TXNRD3: variants seen among roughly 807,000 people sequenced by gnomAD.
TXNRD3 encodes thioredoxin reductase 3.
Under a neutral mutation model 78.2 loss-of-function variants are expected in TXNRD3, and 68 were observed. The observed-to-expected ratio is 0.87, with a 90% CI of 0.72 to 1.06. The LOEUF (loss-of-function observed/expected upper bound fraction) is 1.06. Among genes scored for constraint, TXNRD3 ranks in the 50% least tolerant of loss-of-function variants. The pLI is 0.00. For missense variants in TXNRD3, 751 were observed against 809.5 expected (o/e 0.93, Z 0.88); for synonymous variants, 296 against 300.1 (o/e 0.99, Z 0.14).
intron 5 of TXNRD3, among the ~76,000 whole-genome samples, chr3:126,642,948 A>G (rs1264470540): frequency 6.6e-6 from 1 of 152,224 alleles, no homozygotes; most frequent in Non-Finnish European, 1.5e-5. Context: ...AAATTATCAC[A>G]AAGGTGTAAG....
In TXNRD3 at chr3:126,607,704, G is replaced by A. The variant is rs1452251226; in HGVS notation, c.*201C>T. 14 of 369,302 alleles carry A rather than the reference G, an allele frequency of 3.8e-5. No homozygotes were observed. The highest frequency in any genetic ancestry group is 6.7e-5 in the Non-Finnish European group (14 of 208,932). The allele number at this position is 369,302 out of a possible 1,614,324, so 22.9% of individuals were successfully genotyped here. ...CAAGGAAGCAGTCCCACTGCTTCTC[G>A]CTGTCAGCAAGACCACAAGGCAGAT... On this transcript the variant is annotated 3_prime_UTR_variant, in exon 16 of 16. Coordinates refer to ENST00000524230, the MANE Select transcript of TXNRD3 (RefSeq NM_052883.3).
In TXNRD3 at chr3:126,607,319, CAGT is replaced by C. The variant is rs1284342329; in HGVS notation, c.*583_*585del. ...GGTGAAGCATGAGTCAGCGTTTTGA[CAGT>C]AGGTTAAATGTGCCTCAAAAAAGAA... On this transcript the variant is annotated 3_prime_UTR_variant, in exon 16 of 16. Coordinates refer to ENST00000524230, the MANE Select transcript of TXNRD3 (RefSeq NM_052883.3). 2 of 152,312 alleles carry C rather than the reference CAGT, an allele frequency of 1.3e-5. No individual in the cohort carries two copies. Among genetic ancestry groups the C allele is most frequent in the African/African-American group, 2.4e-5 (1 of 41,410 alleles). The allele number at this position is 152,312 out of a possible 1,614,324, so 9.4% of individuals were successfully genotyped here.
chr3:126,621,951 C>A, intron 11 of TXNRD3, 53 bp from the exon 12 acceptor site: 1 of 1,375,258 alleles, frequency 7.3e-7, no homozygotes, highest in Non-Finnish European at 9.4e-7. Context: ...CTCTACACTG[C>A]TGGCTGACTA....
chr3:126,636,332 T>C (rs1938862367), intron 6 of TXNRD3, among the ~76,000 whole-genome samples: 1 of 152,232 alleles, frequency 6.6e-6, no homozygotes. Context: ...TTTTCCAATC[T>C]ATGTACTTTT....
At chr3:126,646,048 C>T in intron 3 of TXNRD3, 63 bp downstream of exon 3, 3 of 1,305,158 alleles carry the variant, frequency 2.3e-6, no homozygotes, top group Non-Finnish European at 3.0e-6. Context: ...ATTTTCTCCT[C>T]TTTTAAATAC....
intron 11 of TXNRD3, among the ~76,000 whole-genome samples, chr3:126,622,106 CA>C (rs1361850777): frequency 6.6e-6 from 1 of 152,174 alleles, no homozygotes; most frequent in Non-Finnish European, 1.5e-5. Flanking sequence ...AAACCACAGG[CA>C]TTTCCTGGAT....
At chr3:126,654,420 C>T (rs376459070) in intron 1 of TXNRD3, among the ~76,000 whole-genome samples, 5 of 152,290 alleles carry the variant, frequency 3.3e-5, no homozygotes, top group African/African-American at 7.2e-5. Flanking sequence ...TAGTCCGCCC[C>T]GAAAAGTTAA....
intron 8 of TXNRD3, 128 bp from the exon 9 acceptor site, chr3:126,631,065 T>C (rs1559775497): frequency 1.0e-5 from 10 of 960,670 alleles, no homozygotes; most frequent in Non-Finnish European, 1.0e-5. Flanking sequence ...CAACAGCCTT[T>C]TGAAATTTGT....
intron 1 of TXNRD3, among the ~76,000 whole-genome samples, chr3:126,652,297 A>T (rs1240292644): frequency 2.6e-5 from 4 of 152,142 alleles, no homozygotes; most frequent in Non-Finnish European, 5.9e-5. Context: ...TATCATGAGG[A>T]CAGTACCAAT....
Position 126,621,831 on chromosome 3 carries a change from TATCA to T in TXNRD3, c.1431_1434del (p.Asp478PhefsTer19). 6.5e-7 allele frequency: 1 copy of T among 1,535,808 alleles called. No individual in the cohort carries two copies. The highest frequency in any genetic ancestry group is 8.7e-7 in the Non-Finnish European group (1 of 1,146,798). ...GTGAGCTCTGGCTTATCCTCCAAAA[TATCA>T]CCAACAGCATAGACATATGGCACAT... is the stretch of plus-strand genomic sequence containing the variant. On this transcript the variant is annotated frameshift_variant, in exon 12 of 16. Transcript: ENST00000524230. LOFTEE classifies it high-confidence loss of function.
intron 1 of TXNRD3, among the ~76,000 whole-genome samples, chr3:126,648,642 T>C (rs2107629193): frequency 6.6e-6 from 1 of 152,258 alleles, no homozygotes; most frequent in South Asian, 2.1e-4. Context: ...GGCTGTCCAC[T>C]AACAAAAGAA....
chr3:126,638,179 G>A (rs1210558209), intron 6 of TXNRD3, among the ~76,000 whole-genome samples: 1 of 151,824 alleles, frequency 6.6e-6, no homozygotes, highest in Non-Finnish European at 1.5e-5. Flanking sequence ...TCCTGACCTC[G>A]TGATCCGCCC....
rs1262417539 is a variant in TXNRD3 at position 126,607,946 on chromosome 3, A to C, written c.1891T>G (p.Ser631Ala). The C allele has an allele frequency of 6.6e-7, 1 of 1,507,136 alleles. No homozygotes were observed. The highest frequency in any genetic ancestry group is 2.0e-5 in the Admixed American group (1 of 50,622). The allele number at this position is 1,507,136 out of a possible 1,614,324, so 93.4% of individuals were successfully genotyped here. Residue 631 changes from serine (S) to alanine (A), a missense_variant, in exon 16 of 16, where the codon TCG becomes GCG. By Grantham distance (99) the Ser-to-Ala change is moderately conservative. Coordinates refer to ENST00000524230, the MANE Select transcript of TXNRD3 (RefSeq NM_052883.3). ...TTCTGAGTGATGTCTAGTCCTGACG[A>C]CTTTGTGATTTCCAAAGTCGTGAAC... is the stretch of plus-strand genomic sequence containing the variant.
chr3:126,646,228 A>C lies in TXNRD3; in HGVS notation c.305-8T>G, dbSNP rs1181856846. The C allele has an allele frequency of 6.7e-7, 1 of 1,502,978 alleles. No individual in the cohort carries two copies. The highest frequency in any genetic ancestry group is 8.8e-7 in the Non-Finnish European group (1 of 1,137,774). The allele number at this position is 1,502,978 out of a possible 1,614,324, so 93.1% of individuals were successfully genotyped here. ...GAACCCTGGCCCCATCATCTAAAGA[A>C]GAAAAAAACTATATATAAAAACACT... is the stretch of plus-strand genomic sequence containing the variant. On this transcript the variant is annotated splice_polypyrimidine_tract_variant and splice_region_variant and intron_variant, in intron 2 of 15. Coordinates refer to ENST00000524230, the MANE Select transcript of TXNRD3 (RefSeq NM_052883.3).
intron 6 of TXNRD3, 57 bp downstream of exon 6, chr3:126,641,975 T>C (rs1232156461): frequency 1.0e-5 from 15 of 1,454,728 alleles, no homozygotes; most frequent in Admixed American, 2.7e-5. Context: ...CAAGTCTTTA[T>C]CTAAAAAACT....
At chr3:126,634,121 C>T in intron 6 of TXNRD3, 70 bp from the exon 7 acceptor site, 4 of 1,315,726 alleles carry the variant, frequency 3.0e-6, no homozygotes, top group Non-Finnish European at 3.9e-6. Flanking sequence ...CATATAACCA[C>T]ACATGAGCCA....
chr3:126,641,536 G>A (rs1453668142), intron 6 of TXNRD3, among the ~76,000 whole-genome samples: 1 of 152,186 alleles, frequency 6.6e-6, no homozygotes, highest in Non-Finnish European at 1.5e-5. Context: ...TGAGTGCACT[G>A]AATGGATCTC....
At position 126,647,241 on chromosome 3, in the gene TXNRD3, T is replaced by G. The variant is rs1454269388; in HGVS notation, c.299A>C (p.Gln100Pro). 7.2e-6 allele frequency: 11 copies of G among 1,535,034 alleles called. No individual in the cohort carries two copies. The Admixed American group carries it at 2.2e-4, about 30-fold the overall frequency. The change falls in exon 2 of 16, where the codon CAA (glutamine) becomes CCA (proline). Residue 100 changes from glutamine (Q) to proline (P), a missense_variant. Coordinates refer to ENST00000524230, the MANE Select transcript of TXNRD3 (RefSeq NM_052883.3). ...GTTGTAACTGGTCTACTTACCAACTTGATCAAGTTCCAAGACATTACATTC... is the reference window on the plus strand; with the variant it reads ...GTTGTAACTGGTCTACTTACCAACTGGATCAAGTTCCAAGACATTACATTC...
chr3:126,622,189 G>A (rs1310257982), intron 11 of TXNRD3, among the ~76,000 whole-genome samples: 1 of 152,148 alleles, frequency 6.6e-6, no homozygotes, highest in Non-Finnish European at 1.5e-5. Context: ...CCCTGACCAA[G>A]GACATAAAGA....
Sources: allele counts gnomAD v4.1 joint callset (sites outside exome capture counted in the v4.1 genomes callset), GRCh38; gene constraint gnomAD v4.1.1; transcripts MANE v1.5; gene names NCBI Gene and HGNC (gene_info 2026-07-23, HGNC 2026-07-21).